The following ANKS1B variants were observed in gnomAD, a reference collection of about 807,000 sequenced individuals.
The protein encoded by ANKS1B is ankyrin repeat and sterile alpha motif domain containing 1B, also known as ankyrin repeat and sterile alpha motif domain-containing protein 1B.
A neutral mutation model predicts 148.3 loss-of-function variants in ANKS1B; 36 were observed. The observed-to-expected ratio is 0.24, with a 90% CI of 0.19 to 0.32. ANKS1B has a LOEUF of 0.32. Ranked by LOEUF, ANKS1B falls within the 10% of genes least tolerant of loss-of-function variation. ANKS1B has a pLI of 1.00. For synonymous variants in ANKS1B, 542 were observed against 560.8 expected (o/e 0.97, Z 0.47); for missense variants, 1,157 against 1,542.6 (o/e 0.75, Z 4.19).
Position 99,375,249 on chromosome 12 carries a change from T to C in ANKS1B, c.1756+24382A>G, listed in dbSNP as rs371627188. Among the ~76,000 whole-genome samples the C allele has an allele frequency of 7.0e-4, 106 of 152,292 alleles. 2 individuals are homozygous for C. In the South Asian group the frequency reaches 0.021, roughly 30 times the overall value. On this transcript the variant is annotated intron_variant, in intron 12 of 26. Coordinates refer to ENST00000683438, the MANE Select transcript of ANKS1B (RefSeq NM_001352186.2). ...ATGTTTTCAGCAGCCCTGGTCTGTA[T>C]CCCTAGATGCCAGTAGCAATCTTCC...
intron 12 of ANKS1B, among the ~76,000 whole-genome samples, chr12:99,353,254 C>G (rs1425263658): frequency 6.6e-6 from 1 of 152,008 alleles, no homozygotes; most frequent in Non-Finnish European, 1.5e-5. Flanking sequence ...CTCTTATCTC[C>G]CTTATGTCTC....
At chr12:99,331,744 T>C (rs370377055) in intron 12 of ANKS1B, among the ~76,000 whole-genome samples, 9 of 152,102 alleles carry the variant, frequency 5.9e-5, no homozygotes, top group African/African-American at 1.9e-4. Flanking sequence ...ACTGGAAAGA[T>C]GGAATTTCCA....
intron 8 of ANKS1B, among the ~76,000 whole-genome samples, chr12:99,726,046 C>T (rs1284738399): frequency 6.6e-6 from 1 of 152,054 alleles, no homozygotes; most frequent in Non-Finnish European, 1.5e-5. Context: ...AGAAAGATCT[C>T]AAATCGACAC....
intron 14 of ANKS1B, among the ~76,000 whole-genome samples, chr12:99,212,728 G>A (rs1292266431): frequency 6.6e-6 from 1 of 152,138 alleles, no homozygotes; most frequent in Admixed American, 6.5e-5. Flanking sequence ...AAGAAATGAG[G>A]GCTCTGGGGT....
chr12:99,642,098 T>A lies in ANKS1B; in HGVS notation c.1272+12969A>T, dbSNP rs572985593. ...AACATCACTATTAACATCATCATCA[T>A]AAGGCTTTCCTAAAATGATTAAAAA... On this transcript the variant is annotated intron_variant, in intron 9 of 26. Coordinates refer to ENST00000683438, the MANE Select transcript of ANKS1B (RefSeq NM_001352186.2). Among the ~76,000 whole-genome samples, 50 of 152,294 alleles carry A rather than the reference T, an allele frequency of 3.3e-4. 1 individual carries two copies. Among genetic ancestry groups the A allele is most frequent in the Admixed American group, 1.2e-3 (19 of 15,300 alleles).
chr12:98,761,545 C>A (rs1202696738), intron 25 of ANKS1B, among the ~76,000 whole-genome samples: 1 of 152,154 alleles, frequency 6.6e-6, no homozygotes, highest in African/African-American at 2.4e-5. Flanking sequence ...GATGCTACAA[C>A]TTTTCCCTTG....
chr12:98,855,498 C>A (rs757120913), intron 17 of ANKS1B, among the ~76,000 whole-genome samples: 12 of 152,062 alleles, frequency 7.9e-5, no homozygotes, highest in African/African-American at 2.9e-4. Context: ...TTTAATTTTA[C>A]GATGTTAAAA....
rs538655759 is a variant in ANKS1B, at chr12:99,633,876, T to A, written c.1272+21191A>T. Reference sequence around the variant, plus strand: ...ACATTTATGAAGCCAACAGACACTGTGTCTTCCTTTTCTAATGGAAATGTC... The same window carrying A: ...ACATTTATGAAGCCAACAGACACTGAGTCTTCCTTTTCTAATGGAAATGTC... On this transcript the variant is annotated intron_variant, in intron 9 of 26. Coordinates refer to ENST00000683438, the MANE Select transcript of ANKS1B (RefSeq NM_001352186.2). Among the ~76,000 whole-genome samples, 5 of 152,296 alleles carry A rather than the reference T, an allele frequency of 3.3e-5. No homozygotes were observed. In the East Asian group the frequency reaches 9.7e-4, roughly 29 times the overall value.
chr12:98,832,001 G>T (rs750764850), intron 18 of ANKS1B, 28 bp downstream of exon 18: 48 of 1,538,924 alleles, frequency 3.1e-5, no homozygotes, highest in Non-Finnish European at 3.9e-5. Context: ...TAAGGGCAGA[G>T]AACCAGATGA....
At chr12:99,030,886 C>T (rs531002227) in intron 17 of ANKS1B, among the ~76,000 whole-genome samples, 2 of 152,298 alleles carry the variant, frequency 1.3e-5, no homozygotes, top group South Asian at 4.2e-4. Flanking sequence ...ACAGTGCAAT[C>T]AAGATGAACA....
In ANKS1B at chr12:99,406,196, T is replaced by G. The variant is rs541262967; in HGVS notation, c.1576-6385A>C. Among the ~76,000 whole-genome samples the G allele has an allele frequency of 4.7e-4, 68 of 145,632 alleles. 7 individuals are homozygous for G. The highest frequency in any genetic ancestry group is 1.5e-3 in the African/African-American group (58 of 38,544). ...GCTTAATAGGTATCTACAGAACATT[T>G]CAATGAACAGTTACAGAATATACAT... On this transcript the variant is annotated intron_variant, in intron 11 of 26. Coordinates refer to ENST00000683438, the MANE Select transcript of ANKS1B (RefSeq NM_001352186.2).
chr12:99,073,856 A>T (rs2047013374), intron 16 of ANKS1B, among the ~76,000 whole-genome samples: 1 of 152,092 alleles, frequency 6.6e-6, no homozygotes, highest in Admixed American at 6.6e-5. Flanking sequence ...CACCATATTC[A>T]CTCAGGAGGC....
intron 16 of ANKS1B, among the ~76,000 whole-genome samples, chr12:99,077,906 G>C (rs1035964695): frequency 6.6e-6 from 1 of 152,176 alleles, no homozygotes; most frequent in African/African-American, 2.4e-5. Flanking sequence ...CATTTCTAGA[G>C]TGATTCTCTT....
intron 8 of ANKS1B, among the ~76,000 whole-genome samples, chr12:99,696,470 C>A (rs1403491932): frequency 2.6e-5 from 4 of 151,910 alleles, no homozygotes; most frequent in Non-Finnish European, 4.4e-5. Context: ...AGTAGCAAAG[C>A]AAGTCAATGT....
At chr12:99,367,281 G>C (rs1046112010) in intron 12 of ANKS1B, among the ~76,000 whole-genome samples, 2 of 152,092 alleles carry the variant, frequency 1.3e-5, no homozygotes, top group Non-Finnish European at 2.9e-5. Flanking sequence ...ATAAAAAGAA[G>C]AGAAATGGCC....
intron 24 of ANKS1B, among the ~76,000 whole-genome samples, chr12:98,779,569 T>C (rs2098714011): frequency 6.6e-6 from 1 of 151,942 alleles, no homozygotes; most frequent in Non-Finnish European, 1.5e-5. Flanking sequence ...CAAGCATAAA[T>C]GGGATAGAGG....
intron 1 of ANKS1B, among the ~76,000 whole-genome samples, chr12:99,894,809 A>C (rs1460208405): frequency 6.7e-6 from 1 of 149,648 alleles, no homozygotes; most frequent in African/African-American, 2.4e-5. Context: ...ATATTGTTGG[A>C]TATAATAAAT....
intron 25 of ANKS1B, among the ~76,000 whole-genome samples, chr12:98,757,952 GTGTGTGC>G (rs1183317551): frequency 6.6e-6 from 1 of 152,184 alleles, no homozygotes; most frequent in East Asian, 1.9e-4. Flanking sequence ...GTGTGTGTGT[GTGTGTGC>G]ACACGGGGTG....
intron 14 of ANKS1B, among the ~76,000 whole-genome samples, chr12:99,207,171 T>A (rs2082772521): frequency 6.6e-6 from 1 of 152,154 alleles, no homozygotes; most frequent in Non-Finnish European, 1.5e-5. Flanking sequence ...TTCAAAGTAA[T>A]CAATATACCA....
Sources: gnomAD v4.1 joint callset for allele counts (sites outside exome capture counted in the v4.1 genomes callset) on GRCh38, gnomAD v4.1.1 for gene constraint, MANE v1.5 for transcripts, NCBI Gene and HGNC (gene_info 2026-07-23, HGNC 2026-07-21) for gene names.